WWTR1: variants seen among roughly 807,000 people sequenced by gnomAD.
WWTR1 encodes WW domain-containing transcription regulator protein 1.
WWTR1 carries 13 observed loss-of-function variants against 40.1 expected under a neutral mutation model. That is an observed-to-expected ratio of 0.32 (90% CI 0.21 to 0.52). WWTR1 has a LOEUF of 0.52. Ranked by LOEUF, WWTR1 falls within the 20% of genes least tolerant of loss-of-function variation. WWTR1 has a pLI of 0.97. For missense variants in WWTR1, 436 were observed against 523.1 expected (o/e 0.83, Z 1.63); for synonymous variants, 230 against 210.1 (o/e 1.09, Z -0.82).
rs200035880 is a variant in WWTR1, at chr3:149,608,226, GA to G, written c.432-35227del. 4.9e-3 allele frequency among the ~76,000 whole-genome samples: 743 copies of G among 151,730 alleles called. 3 individuals carry two copies. Among genetic ancestry groups the G allele is most frequent in the African/African-American group, 0.017 (722 of 41,376 alleles). On this transcript the variant is annotated intron_variant, in intron 2 of 6. Coordinates refer to ENST00000360632, the MANE Select transcript of WWTR1 (RefSeq NM_015472.6). The stretch of plus-strand genomic sequence containing the variant: ...ACTTCAAGAAAGACTGCACAAAATA[GA>G]AAAAAAATTTATTTAGAATACTAAT...
At chr3:149,610,603 G>C (rs1055445270) in intron 2 of WWTR1, among the ~76,000 whole-genome samples, 2 of 152,228 alleles carry the variant, frequency 1.3e-5, no homozygotes, top group Non-Finnish European at 2.9e-5. Flanking sequence ...GGGTGGCTGA[G>C]GAAGACAGAG....
At chr3:149,622,289 T>C (rs187957342) in intron 2 of WWTR1, among the ~76,000 whole-genome samples, 63 of 152,210 alleles carry the variant, frequency 4.1e-4, no homozygotes, top group Non-Finnish European at 3.7e-4. Context: ...ATTTGAAAGA[T>C]ACACTTTGTT....
chr3:149,685,937 G>A (rs911100417), intron 1 of WWTR1, among the ~76,000 whole-genome samples: 2 of 152,112 alleles, frequency 1.3e-5, no homozygotes, highest in African/African-American at 4.8e-5. Context: ...AGACTGCTTA[G>A]TCCACAATGC....
At chr3:149,645,204 C>T (rs1283993788) in intron 2 of WWTR1, among the ~76,000 whole-genome samples, 6 of 152,180 alleles carry the variant, frequency 3.9e-5, no homozygotes, top group Admixed American at 2.0e-4. Flanking sequence ...CTCGGCCTCC[C>T]GAGTCACTGG....
At chr3:149,663,691 A>G (rs7611633) in intron 2 of WWTR1, among the ~76,000 whole-genome samples, 67,217 of 151,916 alleles carry the variant, frequency 0.44, 14,853 homozygotes, top group Middle Eastern at 0.56. Flanking sequence ...GCGAGACTCC[A>G]TCTTAAAAAA....
Position 149,520,996 on chromosome 3 carries a change from C to A in WWTR1, c.1019-7G>T. On this transcript the variant is annotated splice_polypyrimidine_tract_variant and splice_region_variant and intron_variant, in intron 6 of 6. Coordinates refer to ENST00000360632, the MANE Select transcript of WWTR1 (RefSeq NM_015472.6). ...GTTTGTCCTGCGTTTTCTCCTATAA[C>A]AAAATGAAAAGAAACCATTTTAATT... 1.3e-6 allele frequency: 2 copies of A among 1,569,844 alleles called. No homozygotes were observed. Among genetic ancestry groups the A allele is most frequent in the Non-Finnish European group, 1.7e-6 (2 of 1,162,812 alleles).
At chr3:149,522,981 G>A (rs147184521) in intron 6 of WWTR1, among the ~76,000 whole-genome samples, 5 of 151,146 alleles carry the variant, frequency 3.3e-5, no homozygotes, top group African/African-American at 7.3e-5. Flanking sequence ...CCCGAGACTC[G>A]TTTGAATCCA....
chr3:149,665,227 C>CTTTTTTTTTT (rs11398199), intron 2 of WWTR1, among the ~76,000 whole-genome samples: 4 of 128,276 alleles, frequency 3.1e-5, no homozygotes, highest in Non-Finnish European at 6.4e-5. Flanking sequence ...TCCTTTCTTT[C>CTTTTTTTTTT]TTTTTTTTTT....
At chr3:149,550,755 A>G (rs1736582989) in intron 3 of WWTR1, among the ~76,000 whole-genome samples, 1 of 147,188 alleles carries the variant, frequency 6.8e-6, no homozygotes, top group Non-Finnish European at 1.5e-5. Flanking sequence ...AGCAAGGGTT[A>G]TAAAAGACTG....
chr3:149,708,068 G>A (rs1389753949), upstream of WWTR1, among the ~76,000 whole-genome samples: 1 of 152,088 alleles, frequency 6.6e-6, no homozygotes, highest in African/African-American at 2.4e-5. Flanking sequence ...CCTAGCCTCA[G>A]GCCTGTACCC....
intron 3 of WWTR1, among the ~76,000 whole-genome samples, chr3:149,560,276 TATA>T (rs1352644853): frequency 6.6e-6 from 1 of 151,958 alleles, no homozygotes; most frequent in Non-Finnish European, 1.5e-5. Context: ...GCAGGAAAAA[TATA>T]ATGTGTACTT....
chr3:149,559,886 TAGAC>T (rs1486841206), intron 3 of WWTR1, among the ~76,000 whole-genome samples: 3 of 152,146 alleles, frequency 2.0e-5, no homozygotes, highest in Non-Finnish European at 2.9e-5. Flanking sequence ...TTTTAAAACA[TAGAC>T]AGCCTAGGAA....
At chr3:149,589,579 C>G (rs987117516) in intron 2 of WWTR1, among the ~76,000 whole-genome samples, 2 of 152,026 alleles carry the variant, frequency 1.3e-5, no homozygotes, top group South Asian at 4.2e-4. Flanking sequence ...AGGATATAGA[C>G]CATCATAATT....
intron 2 of WWTR1, among the ~76,000 whole-genome samples, chr3:149,649,390 G>A (rs544860234): frequency 5.3e-5 from 8 of 152,300 alleles, no homozygotes; most frequent in Admixed American, 1.3e-4. Flanking sequence ...CCCTTTCACC[G>A]TCTAAATCCC....
In WWTR1 at chr3:149,566,146, T is replaced by C. The variant is rs77738162; in HGVS notation, c.568+6718A>G. ...GAGTTCGAGACCAGCCTAAGCAACATGGTGAGACGCCCCAATCTCTACAAA... is the reference window on the plus strand; with the variant it reads ...GAGTTCGAGACCAGCCTAAGCAACACGGTGAGACGCCCCAATCTCTACAAA... On this transcript the variant is annotated intron_variant, in intron 3 of 6. Transcript: ENST00000360632. Among the ~76,000 whole-genome samples the C allele has an allele frequency of 9.0e-3, 1,371 of 152,212 alleles. 20 individuals carry two copies. Among genetic ancestry groups the C allele is most frequent in the African/African-American group, 0.031 (1,284 of 41,536 alleles).
At position 149,580,243 on chromosome 3, in the gene WWTR1, C is replaced by T. The variant is rs187919898; in HGVS notation, c.432-7243G>A. On this transcript the variant is annotated intron_variant, in intron 2 of 6. Coordinates refer to ENST00000360632, the MANE Select transcript of WWTR1 (RefSeq NM_015472.6). ...ATATCTTACATTTCTTTTAGTAGTA[C>T]CTTTTGTTTTGCCAACGGTACTTAG... is the stretch of plus-strand genomic sequence containing the variant. 1.8e-4 allele frequency among the ~76,000 whole-genome samples: 28 copies of T among 152,276 alleles called. No homozygotes were observed. In the East Asian group the frequency reaches 5.0e-3, roughly 27 times the overall value.
intron 3 of WWTR1, among the ~76,000 whole-genome samples, chr3:149,567,450 C>T (rs536729853): frequency 3.3e-5 from 5 of 152,230 alleles, no homozygotes; most frequent in Middle Eastern, 3.4e-3. Flanking sequence ...AATTGCTGTC[C>T]GAGGTTAAAT....
chr3:149,657,571 T>G (rs1309093976), intron 1 of WWTR1, 194 bp downstream of exon 1: 24 of 483,142 alleles, frequency 5.0e-5, no homozygotes, highest in African/African-American at 2.0e-5. Context: ...GGGCGAGGGG[T>G]GGAGGGAATA....
chr3:149,559,293 CA>C (rs57470539), intron 3 of WWTR1, among the ~76,000 whole-genome samples: 11,917 of 58,070 alleles, frequency 0.21, 201 homozygotes, highest in Middle Eastern at 0.23. Flanking sequence ...GACTCCATCT[CA>C]AAAAAAAAAA....
Sources: allele counts gnomAD v4.1 joint callset (sites outside exome capture counted in the v4.1 genomes callset), GRCh38; gene constraint gnomAD v4.1.1; transcripts MANE v1.5; gene names NCBI Gene and HGNC (gene_info 2026-07-23, HGNC 2026-07-21).